AMPH: variants seen among roughly 807,000 people sequenced by gnomAD.
AMPH encodes amphiphysin, also known as amphiphysin (Stiff-Mann syndrome with breast cancer 128kD autoantigen).
In AMPH, 49 loss-of-function variants were observed where a neutral mutation model predicts 99.1. That is an observed-to-expected ratio of 0.49 (90% CI 0.39 to 0.63). AMPH has a LOEUF of 0.63. Ranked by LOEUF, AMPH falls within the 20% of genes least tolerant of loss-of-function variation. The probability of loss-of-function intolerance (pLI) is 0.00; values close to 1 mark genes in which losing one functional copy is unlikely to be tolerated. For missense variants in AMPH, 759 were observed against 863.4 expected (o/e 0.88, Z 1.52); for synonymous variants, 314 against 317.3 (o/e 0.99, Z 0.11).
chr7:38,569,378 T>C (rs756089221), intron 1 of AMPH, among the ~76,000 whole-genome samples: 8 of 152,090 alleles, frequency 5.3e-5, no homozygotes, highest in Non-Finnish European at 1.2e-4. Context: ...AGAATTTTAA[T>C]ATGTGTATTC....
chr7:38,429,083 C>T (rs1261570319), intron 14 of AMPH: 2 of 1,290,440 alleles, frequency 1.5e-6, no homozygotes, highest in Admixed American at 2.3e-5. Context: ...CACCTGCCCA[C>T]AGAGAATCTT....
intron 1 of AMPH, among the ~76,000 whole-genome samples, chr7:38,538,203 T>C (rs1242253249): frequency 3.9e-5 from 6 of 152,172 alleles, no homozygotes; most frequent in East Asian, 1.9e-4. Context: ...AACAGGTAAA[T>C]AGACTAAGTC....
chr7:38,441,786 C>CTATCATATATA lies in AMPH; in HGVS notation c.1018-5399_1018-5398insTATATATGATA, dbSNP rs1329070417. Among the ~76,000 whole-genome samples, 92 of 74,746 alleles carry CTATCATATATA rather than the reference C, an allele frequency of 1.2e-3. 1 individual carries two copies. Among genetic ancestry groups the CTATCATATATA allele is most frequent in the South Asian group, 5.4e-3 (13 of 2,418 alleles). The allele number at this position is 74,746 out of a possible 152,430, so 49.0% of individuals were successfully genotyped here. On this transcript the variant is annotated intron_variant, in intron 11 of 20. Coordinates refer to ENST00000356264, the MANE Select transcript of AMPH (RefSeq NM_001635.4). Reference sequence around the variant, plus strand: ...CATATATATGATATATATCATATATCTGTCATATATATCATATATATATCA... The same window carrying CTATCATATATA: ...CATATATATGATATATATCATATATCTATCATATATATGTCATATATATCATATATATATCA...
intron 2 of AMPH, among the ~76,000 whole-genome samples, chr7:38,515,037 G>A (rs1257189276): frequency 6.6e-6 from 1 of 152,170 alleles, no homozygotes; most frequent in Admixed American, 6.5e-5. Flanking sequence ...AATCTCCTTA[G>A]AGATTACTTA....
chr7:38,542,818 G>A (rs1434907364), intron 1 of AMPH, among the ~76,000 whole-genome samples: 9 of 152,050 alleles, frequency 5.9e-5, no homozygotes, highest in South Asian at 4.1e-4. Flanking sequence ...AAAATTGTCC[G>A]GGTGCAGTAG....
At chr7:38,461,961 A>G (rs935461319) in intron 10 of AMPH, among the ~76,000 whole-genome samples, 2 of 152,222 alleles carry the variant, frequency 1.3e-5, no homozygotes, top group African/African-American at 4.8e-5. Flanking sequence ...GGTTCAATCT[A>G]TGATTTTTTT....
intron 1 of AMPH, among the ~76,000 whole-genome samples, chr7:38,603,336 T>TAAA (rs1793321714): frequency 1.5e-5 from 2 of 134,920 alleles, no homozygotes; most frequent in African/African-American, 5.6e-5. Context: ...AAAAAAAAAT[T>TAAA]ATGCCAAAAT....
intron 1 of AMPH, among the ~76,000 whole-genome samples, chr7:38,545,640 GAT>G (rs375262439): frequency 3.9e-5 from 6 of 152,196 alleles, no homozygotes; most frequent in African/African-American, 1.2e-4. Context: ...AAGAAAAAGA[GAT>G]AGGCTACACG....
intron 5 of AMPH, among the ~76,000 whole-genome samples, chr7:38,479,927 G>C (rs951712231): frequency 3.9e-5 from 6 of 152,008 alleles, no homozygotes; most frequent in African/African-American, 1.2e-4. Flanking sequence ...GATTTAATTA[G>C]ACTGAGGCAA....
At position 38,406,731 on chromosome 7, in the gene AMPH, C is replaced by CCTCTCTCT. The variant is rs56738810; in HGVS notation, c.1398+11086_1398+11093dup. On this transcript the variant is annotated intron_variant, in intron 17 of 20. Transcript: ENST00000356264. ...CTCCTCTCCTCTCTCTCTCCCTTTC[C>CCTCTCTCT]CTCTCTCTCTCTCTCTCTCTCTCTC... 1.2e-3 allele frequency among the ~76,000 whole-genome samples: 94 copies of CCTCTCTCT among 80,512 alleles called. 2 individuals carry two copies. The highest frequency in any genetic ancestry group is 2.9e-3 in the African/African-American group (52 of 18,222). The allele number at this position is 80,512 out of a possible 152,430, so 52.8% of individuals were successfully genotyped here. A position where few individuals can be genotyped will look rare whatever the true frequency, so the allele number is the denominator to read the frequency against.
chr7:38,503,160 G>T (rs6979938), intron 3 of AMPH, among the ~76,000 whole-genome samples: 2 of 152,156 alleles, frequency 1.3e-5, no homozygotes, highest in Non-Finnish European at 2.9e-5. Context: ...TGCATTGCAC[G>T]TCGGTAGGGA....
intron 14 of AMPH, among the ~76,000 whole-genome samples, chr7:38,427,665 G>GTTT (rs1785834207): frequency 3.8e-5 from 1 of 25,994 alleles, no homozygotes; most frequent in African/African-American, 2.4e-4. Context: ...TTTTTTTTTG[G>GTTT]TCAACCTATT....
chr7:38,517,831 C>T (rs917790014), intron 2 of AMPH, among the ~76,000 whole-genome samples: 1 of 152,200 alleles, frequency 6.6e-6, no homozygotes, highest in Non-Finnish European at 1.5e-5. Flanking sequence ...GCCACGTGAT[C>T]CTTTGTTAAA....
chr7:38,572,595 G>T (rs1248515094), intron 1 of AMPH, among the ~76,000 whole-genome samples: 1 of 152,196 alleles, frequency 6.6e-6, no homozygotes, highest in African/African-American at 2.4e-5. Flanking sequence ...GGATCAGGGA[G>T]GAGGTGATGT....
intron 17 of AMPH, among the ~76,000 whole-genome samples, chr7:38,396,454 C>A (rs183816893): frequency 2.0e-5 from 3 of 152,204 alleles, no homozygotes; most frequent in Non-Finnish European, 4.4e-5. Flanking sequence ...GTCCAATAAA[C>A]CTCTTTCTTT....
Position 38,391,983 on chromosome 7 carries a change from G to A in AMPH, c.1643C>T (p.Ala548Val). The change falls in exon 19 of 21, where the codon GCC becomes GTC. Residue 548 changes from alanine to valine, a missense_variant. Around this residue, in one of 2 missense-constraint regions of AMPH, gnomAD observed 554 missense variants for 575.6 expected, o/e 0.96. Transcript: ENST00000356264. Reference protein sequence around the residue: ...KVIPSVVIEPASNHEEEGENE... With the variant: ...KVIPSVVIEPVSNHEEEGENE... ...TTCTCCTTCCTCTTCATGGTTGGAG[G>A]CAGGCTCTATGACCACCGAAGGAAT... The A allele has an allele frequency of 1.2e-6, 2 of 1,608,736 alleles. No homozygotes were observed. The highest frequency in any genetic ancestry group is 2.0e-4 in the Middle Eastern group (1 of 5,114).
chr7:38,583,588 G>T (rs1157406947), intron 1 of AMPH, among the ~76,000 whole-genome samples: 2 of 152,136 alleles, frequency 1.3e-5, no homozygotes, highest in Non-Finnish European at 2.9e-5. Flanking sequence ...CTCTGTACAG[G>T]ATAGACATAT....
chr7:38,489,509 C>A (rs1342173041), intron 5 of AMPH, among the ~76,000 whole-genome samples: 1 of 151,672 alleles, frequency 6.6e-6, no homozygotes, highest in Non-Finnish European at 1.5e-5. Context: ...GCAACAAAAG[C>A]AAAAATAGAC....
chr7:38,428,134 T>C, intron 14 of AMPH: 2 of 456,782 alleles, frequency 4.4e-6, no homozygotes, highest in Non-Finnish European at 8.8e-6. Flanking sequence ...TCTGTATCTC[T>C]GATAGGCCAG....
Sources: gnomAD v4.1 joint callset for allele counts (sites outside exome capture counted in the v4.1 genomes callset) on GRCh38, gnomAD v4.1.1 for gene constraint, gnomAD v4.1.1 regional missense constraint, MANE v1.5 for transcripts, NCBI Gene and HGNC (gene_info 2026-07-23, HGNC 2026-07-21) for gene names.